TAFA1: variants seen among roughly 807,000 people sequenced by gnomAD.
TAFA1 encodes chemokine-like protein TAFA-1.
Under a neutral mutation model 18.5 loss-of-function variants are expected in TAFA1, and 4 were observed. The ratio of observed to expected loss-of-function variants is 0.22; its 90% CI spans 0.11 to 0.49. TAFA1 has a LOEUF of 0.49. TAFA1 is among the 20% of genes least tolerant of loss of function. The probability of loss-of-function intolerance (pLI) is 0.98; values close to 1 mark genes in which losing one functional copy is unlikely to be tolerated. For synonymous variants in TAFA1, 56 were observed against 55.2 expected, an observed-to-expected ratio of 1.01 and a Z score of -0.06; for missense variants, 147 against 169.0, an observed-to-expected ratio of 0.87 and a Z score of 0.72.
intron 2 of TAFA1, among the ~76,000 whole-genome samples, chr3:68,376,792 G>A (rs1204812196): frequency 6.6e-6 from 1 of 152,128 alleles, no homozygotes; most frequent in East Asian, 1.9e-4. Context: ...TTGGCTCTGT[G>A]TCCCCACCCA....
At chr3:68,178,784 G>A (rs183468214) in intron 2 of TAFA1, among the ~76,000 whole-genome samples, 24 of 152,320 alleles carry the variant, frequency 1.6e-4, no homozygotes, top group African/African-American at 3.8e-4. Context: ...ATCCACGTAA[G>A]GAGTTTAGAT....
chr3:68,449,304 A>G (rs1396132217), intron 3 of TAFA1, among the ~76,000 whole-genome samples: 1 of 152,174 alleles, frequency 6.6e-6, no homozygotes, highest in East Asian at 1.9e-4. Context: ...CTTTGTATGC[A>G]GGAAATGAGA....
At chr3:67,999,871 C>G (rs988995381), upstream of TAFA1, among the ~76,000 whole-genome samples, 1 of 151,802 alleles carries the variant, frequency 6.6e-6, no homozygotes, top group Non-Finnish European at 1.5e-5. Flanking sequence ...TCACTGCAAC[C>G]TCTGCCTCTG....
chr3:68,151,624 T>G (rs2065807297), intron 2 of TAFA1, among the ~76,000 whole-genome samples: 1 of 152,132 alleles, frequency 6.6e-6, no homozygotes, highest in South Asian at 2.1e-4. Context: ...ACTCACGATT[T>G]TCATCAGCAA....
rs2073428357 is a variant in TAFA1 at position 68,544,672 on chromosome 3, G to C, written c.*169G>C. 1 of 634,976 alleles carries C rather than the reference G, an allele frequency of 1.6e-6. No homozygotes were observed. The highest frequency in any genetic ancestry group is 3.1e-5 in the Admixed American group (1 of 32,348). 39.3% of individuals were successfully genotyped at this position (634,976 alleles called of 1,614,324 possible). On this transcript the variant is annotated 3_prime_UTR_variant, in exon 5 of 5. Transcript: ENST00000478136. ...TGTGTAACGAAATATCCTACAGTGA[G>C]AAGACACAGCGTTTTGGCAACACCA...
In TAFA1 at chr3:68,304,238, A is replaced by G. The variant is rs1172329315; in HGVS notation, c.119-113042A>G. ...GAAAAAATGTAAAGGAGAAGGTTGC[A>G]TACAGAAGAAATCATCCAAAATTCA... is the stretch of plus-strand genomic sequence containing the variant. On this transcript the variant is annotated intron_variant, in intron 2 of 4. Transcript: ENST00000478136. Among the ~76,000 whole-genome samples, 4 of 152,252 alleles carry G rather than the reference A, an allele frequency of 2.6e-5. 1 individual carries two copies. Among genetic ancestry groups the G allele is most frequent in the African/African-American group, 9.6e-5 (4 of 41,470 alleles).
chr3:68,280,103 G>T (rs2067871994), intron 2 of TAFA1, among the ~76,000 whole-genome samples: 1 of 151,762 alleles, frequency 6.6e-6, no homozygotes, highest in African/African-American at 2.4e-5. Context: ...TGCTGAATGG[G>T]GCTGTTCACT....
chr3:68,499,306 A>C (rs1346079045), intron 3 of TAFA1, among the ~76,000 whole-genome samples: 5 of 151,782 alleles, frequency 3.3e-5, no homozygotes, highest in Non-Finnish European at 7.4e-5. Flanking sequence ...CATTCAAATC[A>C]TTCTTAAGCC....
intron 2 of TAFA1, among the ~76,000 whole-genome samples, chr3:68,161,126 A>G (rs1440678134): frequency 6.6e-6 from 1 of 152,202 alleles, no homozygotes; most frequent in Non-Finnish European, 1.5e-5. Flanking sequence ...AACACAATCT[A>G]AGTTAGGAAG....
At chr3:68,073,033 G>T in intron 2 of TAFA1, among the ~76,000 whole-genome samples, 1 of 152,164 alleles carries the variant, frequency 6.6e-6, no homozygotes, top group African/African-American at 2.4e-5. Context: ...AAGGATTTCT[G>T]AAGAGAAAAT....
chr3:68,109,251 GA>G (rs2065237941), intron 2 of TAFA1, among the ~76,000 whole-genome samples: 1 of 152,066 alleles, frequency 6.6e-6, no homozygotes, highest in Non-Finnish European at 1.5e-5. Context: ...GTGAAGGATA[GA>G]AAAGAAGAAA....
At chr3:68,443,783 G>A (rs568180722) in intron 3 of TAFA1, among the ~76,000 whole-genome samples, 2 of 152,242 alleles carry the variant, frequency 1.3e-5, no homozygotes, top group African/African-American at 4.8e-5. Flanking sequence ...TGGGGACACA[G>A]CCAAACCATA....
intron 2 of TAFA1, among the ~76,000 whole-genome samples, chr3:68,278,140 TG>T (rs1423273481): frequency 6.6e-6 from 1 of 152,178 alleles, no homozygotes; most frequent in Non-Finnish European, 1.5e-5. Flanking sequence ...TCAAAAAGGC[TG>T]TAATTATTTA....
At chr3:68,502,294 T>A (rs2072671419) in intron 3 of TAFA1, among the ~76,000 whole-genome samples, 4 of 152,112 alleles carry the variant, frequency 2.6e-5, no homozygotes, top group Admixed American at 2.6e-4. Context: ...TAATTACTCT[T>A]TTTATTGCTT....
At chr3:68,516,701 A>G (rs1019044107) in intron 3 of TAFA1, among the ~76,000 whole-genome samples, 3 of 152,350 alleles carry the variant, frequency 2.0e-5, no homozygotes, top group African/African-American at 7.2e-5. Context: ...GGGTCATACC[A>G]CTGCTAAATA....
intron 2 of TAFA1, among the ~76,000 whole-genome samples, chr3:68,068,663 A>G (rs2064713919): frequency 6.6e-6 from 1 of 152,160 alleles, no homozygotes; most frequent in Non-Finnish European, 1.5e-5. Context: ...TTCCTTCAAA[A>G]TTATTCTTTG....
intron 2 of TAFA1, among the ~76,000 whole-genome samples, chr3:68,390,722 G>A (rs2070220829): frequency 6.6e-6 from 1 of 152,220 alleles, no homozygotes; most frequent in Non-Finnish European, 1.5e-5. Flanking sequence ...AGGGTCTGGA[G>A]TAGACCTCCA....
chr3:68,032,885 TTTCAA>T (rs1182505369), intron 2 of TAFA1, among the ~76,000 whole-genome samples: 3 of 152,170 alleles, frequency 2.0e-5, no homozygotes, highest in Middle Eastern at 3.2e-3. Context: ...TTTCAGTTCT[TTTCAA>T]TTCTTTTCAG....
chr3:68,003,397 A>G (rs181120219), upstream of TAFA1, among the ~76,000 whole-genome samples: 113 of 152,326 alleles, frequency 7.4e-4, 1 homozygote, highest in African/African-American at 2.4e-3. Flanking sequence ...AAAACACCAT[A>G]AAAGATTAGA....
Sources: allele counts gnomAD v4.1 joint callset (sites outside exome capture counted in the v4.1 genomes callset), GRCh38; gene constraint gnomAD v4.1.1; transcripts MANE v1.5; gene names NCBI Gene and HGNC (gene_info 2026-07-23, HGNC 2026-07-21).